CALD1: variants seen among roughly 807,000 people sequenced by gnomAD.
The protein encoded by CALD1 is caldesmon.
In CALD1, 33 loss-of-function variants were observed where a neutral mutation model predicts 99.9. The ratio of observed to expected loss-of-function variants is 0.33; its 90% CI spans 0.25 to 0.44. CALD1 has a LOEUF of 0.44. Ranked by LOEUF, CALD1 falls within the 20% of genes least tolerant of loss-of-function variation. The pLI, the probability that CALD1 is intolerant of heterozygous loss-of-function variation, is 1.00. For missense variants in CALD1, 861 were observed against 962.1 expected (o/e 0.89, Z 1.39); for synonymous variants, 310 against 325.0 (o/e 0.95, Z 0.50).
upstream of CALD1, among the ~76,000 whole-genome samples, chr7:134,740,589 G>C (rs112358656): frequency 1.3e-5 from 2 of 152,154 alleles, no homozygotes; most frequent in African/African-American, 2.4e-5. Context: ...TGTGATGATC[G>C]TGAGAAGCGT....
intron 1 of CALD1, among the ~76,000 whole-genome samples, chr7:134,789,612 A>G (rs1797442995): frequency 6.6e-6 from 1 of 152,176 alleles, no homozygotes; most frequent in Admixed American, 6.5e-5. Flanking sequence ...ATGGTCAGCT[A>G]TTGGCTGTGA....
At chr7:134,916,515 T>A (rs1430788382) in intron 3 of CALD1, among the ~76,000 whole-genome samples, 2 of 152,142 alleles carry the variant, frequency 1.3e-5, no homozygotes, top group African/African-American at 4.8e-5. Context: ...CTATTACCCA[T>A]AAATTTCCCC....
intron 2 of CALD1, among the ~76,000 whole-genome samples, chr7:134,845,022 C>T (rs1799795887): frequency 6.6e-6 from 1 of 152,194 alleles, no homozygotes; most frequent in Admixed American, 6.5e-5. Flanking sequence ...AATGCTGCCA[C>T]CATCATTTTC....
intron 1 of CALD1, among the ~76,000 whole-genome samples, chr7:134,774,393 G>A (rs1054718014): frequency 6.6e-6 from 1 of 152,130 alleles, no homozygotes; most frequent in African/African-American, 2.4e-5. Context: ...GATTGGAGAT[G>A]TTCAGTGTTC....
chr7:134,901,856 A>G (rs888317189), intron 3 of CALD1, among the ~76,000 whole-genome samples: 1 of 152,138 alleles, frequency 6.6e-6, no homozygotes, highest in Middle Eastern at 3.4e-3. Context: ...TCCAAAGGGC[A>G]CCAGCCACAC....
At chr7:134,927,773 G>C (rs571211507) in intron 3 of CALD1, among the ~76,000 whole-genome samples, 79 of 150,982 alleles carry the variant, frequency 5.2e-4, no homozygotes, top group African/African-American at 1.9e-3. Flanking sequence ...CACTGACTCT[G>C]AAGCATCCTA....
At chr7:134,891,478 A>C in intron 3 of CALD1, 1 of 1,379,564 alleles carries the variant, frequency 7.2e-7, no homozygotes, top group Non-Finnish European at 9.5e-7. Flanking sequence ...GTTAACACAA[A>C]GGGAGAACAC....
At chr7:134,908,141 G>A (rs1009974175) in intron 3 of CALD1, among the ~76,000 whole-genome samples, 1 of 152,134 alleles carries the variant, frequency 6.6e-6, no homozygotes, top group Admixed American at 6.5e-5. Context: ...ATTAAAAGAG[G>A]TTGAGGATAT....
chr7:134,731,677 A>G, the CALD1 span, among the ~76,000 whole-genome samples: 18 of 151,340 alleles, frequency 1.2e-4, no homozygotes, highest in Admixed American at 2.0e-4. Flanking sequence ...CCAGCTCCAA[A>G]TATAAGTTTT....
At chr7:134,815,222 C>T (rs897694859) in intron 1 of CALD1, among the ~76,000 whole-genome samples, 1 of 151,958 alleles carries the variant, frequency 6.6e-6, no homozygotes, top group African/African-American at 2.4e-5. Flanking sequence ...CCAACACACA[C>T]TAATATGGTT....
intron 3 of CALD1, among the ~76,000 whole-genome samples, chr7:134,899,280 T>C (rs1260685081): frequency 1.3e-5 from 2 of 151,484 alleles, no homozygotes; most frequent in East Asian, 3.9e-4. Context: ...CTCGGCTCAC[T>C]ACAACCTCTG....
chr7:134,804,921 T>G (rs1798079730), intron 1 of CALD1, among the ~76,000 whole-genome samples: 1 of 152,224 alleles, frequency 6.6e-6, no homozygotes, highest in Non-Finnish European at 1.5e-5. Flanking sequence ...AAAGTTTTAT[T>G]ACTGCTAAAA....
At chr7:134,891,745 TAAAAA>T (rs10607357) in intron 3 of CALD1, 10,686 of 424,368 alleles carry the variant, frequency 0.025, 10 homozygotes, top group African/African-American at 0.045. Flanking sequence ...CGAATTGTTG[TAAAAA>T]AAAAAAAAAA....
chr7:134,726,804 T>G, the CALD1 span, among the ~76,000 whole-genome samples: 2 of 152,164 alleles, frequency 1.3e-5, no homozygotes, highest in Admixed American at 1.3e-4. Context: ...CAGGGACAAA[T>G]GAGGCCTGGC....
At chr7:134,807,726 C>G (rs1165743489) in intron 1 of CALD1, among the ~76,000 whole-genome samples, 1 of 151,976 alleles carries the variant, frequency 6.6e-6, no homozygotes, top group Non-Finnish European at 1.5e-5. Context: ...CTCCCTAGTT[C>G]AAGCAATTCT....
At chr7:134,719,211 G>A in the CALD1 span, among the ~76,000 whole-genome samples, 1 of 152,148 alleles carries the variant, frequency 6.6e-6, no homozygotes. Flanking sequence ...ACGGAAAAAT[G>A]ATTGTTTAAA....
chr7:134,952,838 T>A (rs1310328204), intron 9 of CALD1, among the ~76,000 whole-genome samples: 1 of 152,228 alleles, frequency 6.6e-6, no homozygotes, highest in African/African-American at 2.4e-5. Flanking sequence ...TATTTGTACT[T>A]GAACCCTTGT....
At chr7:134,826,538 A>G (rs1333564273) in intron 1 of CALD1, among the ~76,000 whole-genome samples, 1 of 152,154 alleles carries the variant, frequency 6.6e-6, no homozygotes, top group African/African-American at 2.4e-5. Context: ...CTGAGGTCAC[A>G]AAGCAAGTTA....
chr7:134,887,614 G>A (rs1328251304), intron 3 of CALD1, among the ~76,000 whole-genome samples: 3 of 151,600 alleles, frequency 2.0e-5, no homozygotes, highest in Non-Finnish European at 4.4e-5. Flanking sequence ...ATGCATGCGT[G>A]TATATGTGTG....
Sources: allele counts gnomAD v4.1 joint callset (sites outside exome capture counted in the v4.1 genomes callset), GRCh38; gene constraint gnomAD v4.1.1; transcripts MANE v1.5; gene names NCBI Gene and HGNC (gene_info 2026-07-23, HGNC 2026-07-21).